ARL6IP6: variants seen among roughly 807,000 people sequenced by gnomAD.
ARL6IP6 encodes the protein ADP-ribosylation factor-like protein 6-interacting protein 6.
In ARL6IP6, 22 loss-of-function variants were observed where a neutral mutation model predicts 21.5. The ratio of observed to expected loss-of-function variants is 1.02; its 90% CI spans 0.73 to 1.46. The LOEUF is 1.46. Ranked by LOEUF, ARL6IP6 falls within the 40% of genes most tolerant of loss-of-function variation. The probability of loss-of-function intolerance (pLI) is 0.00; values close to 1 mark genes in which losing one functional copy is unlikely to be tolerated. For missense variants in ARL6IP6, 388 were observed against 299.8 expected (o/e 1.29, Z -2.17); for synonymous variants, 164 against 125.3 (o/e 1.31, Z -2.06).
upstream of ARL6IP6, chr2:152,718,088 G>T (rs1004335034): frequency 5.0e-6 from 5 of 991,838 alleles, no homozygotes; most frequent in Non-Finnish European, 6.0e-6. Flanking sequence ...GGGAGATGGG[G>T]GTGAGCAGTT....
upstream of ARL6IP6, chr2:152,717,818 A>C: frequency 2.6e-6 from 3 of 1,137,020 alleles, no homozygotes; most frequent in Non-Finnish European, 2.2e-6. Flanking sequence ...CGAGTTACGT[A>C]CGCCCCACAA....
chr2:152,734,169 C>T (rs1410368802), intron 2 of ARL6IP6, among the ~76,000 whole-genome samples: 1 of 152,148 alleles, frequency 6.6e-6, no homozygotes, highest in Admixed American at 6.5e-5. Flanking sequence ...GCCTCCTATT[C>T]TTCTCAACCG....
In ARL6IP6 at chr2:152,743,543, A is replaced by G. The variant is rs1457834246; in HGVS notation, c.587+8417A>G. On this transcript the variant is annotated intron_variant, in intron 3 of 3. Coordinates refer to ENST00000326446, the MANE Select transcript of ARL6IP6 (RefSeq NM_152522.7). ...TAGTTAATTTGTATAACCTAAGCATACAGAGTAAAGTGGCAAGCGCCCCTA... is the reference window on the plus strand; with the variant it reads ...TAGTTAATTTGTATAACCTAAGCATGCAGAGTAAAGTGGCAAGCGCCCCTA... Among the ~76,000 whole-genome samples, 4 of 152,318 alleles carry G rather than the reference A, an allele frequency of 2.6e-5. No individual in the cohort carries two copies. In the East Asian group the frequency reaches 7.7e-4, roughly 29 times the overall value.
At chr2:152,752,045 A>T (rs772264787) in intron 3 of ARL6IP6, among the ~76,000 whole-genome samples, 2 of 152,148 alleles carry the variant, frequency 1.3e-5, no homozygotes, top group Non-Finnish European at 2.9e-5. Context: ...TGCTTTATTG[A>T]TCTAAATTAC....
In ARL6IP6 at chr2:152,760,081, G is replaced by C. The variant is rs916888229; in HGVS notation, c.*241G>C. ...ATTAAGTACTTTCTTCAGAGTATAA[G>C]ATGTTTACCTCATCTTTTTACTTTT... is the stretch of plus-strand genomic sequence containing the variant. On this transcript the variant is annotated 3_prime_UTR_variant, in exon 4 of 4. Transcript: ENST00000326446. 2.9e-6 allele frequency: 1 copy of C among 341,652 alleles called. No homozygotes were observed. Among genetic ancestry groups the C allele is most frequent in the Admixed American group, 4.5e-5 (1 of 22,410 alleles). 21.2% of individuals were successfully genotyped at this position (341,652 alleles called of 1,614,324 possible).
At chr2:152,748,846 T>C (rs1412699240) in intron 3 of ARL6IP6, among the ~76,000 whole-genome samples, 1 of 152,144 alleles carries the variant, frequency 6.6e-6, no homozygotes, top group Non-Finnish European at 1.5e-5. Context: ...GAGTCTGGTG[T>C]TTAGTATTGT....
chr2:152,759,777 C>CTA lies in ARL6IP6; in HGVS notation c.621_622dup (p.Ser208IlefsTer6), dbSNP rs773758163. ...TGACTGGACATTCTTTCCACATGGG[C>CTA]TATAGCATGGCGATTTTGAATGGCA... On this transcript the variant is annotated frameshift_variant, in exon 4 of 4. Coordinates refer to ENST00000326446, the MANE Select transcript of ARL6IP6 (RefSeq NM_152522.7). LOFTEE classifies it high-confidence loss of function. The CTA allele has an allele frequency of 2.0e-5, 32 of 1,613,364 alleles. No homozygotes were observed. In the South Asian group the frequency reaches 3.1e-4, roughly 16 times the overall value.
chr2:152,730,152 A>G (rs1400001352), intron 2 of ARL6IP6, among the ~76,000 whole-genome samples: 6 of 152,224 alleles, frequency 3.9e-5, no homozygotes, highest in African/African-American at 1.4e-4. Context: ...AATAATAAAA[A>G]TGCTCAATGC....
chr2:152,746,034 T>A (rs867188059), intron 3 of ARL6IP6, among the ~76,000 whole-genome samples: 1,584 of 83,180 alleles, frequency 0.019, 14 homozygotes, highest in Middle Eastern at 0.049. Flanking sequence ...TTTTTTTTTT[T>A]AAAGACAGGT....
upstream of ARL6IP6, chr2:152,717,768 G>A (rs1027229953): frequency 1.6e-6 from 2 of 1,248,392 alleles, no homozygotes; most frequent in East Asian, 4.3e-5. Flanking sequence ...CCCCGTAGGG[G>A]GTGGGGCAGT....
At chr2:152,717,736 T>G, upstream of ARL6IP6, 7 of 1,314,840 alleles carry the variant, frequency 5.3e-6, no homozygotes, top group Middle Eastern at 3.0e-4. Context: ...GTGTCCCAGC[T>G]TCCCGAGCTT....
At chr2:152,717,778 T>G, upstream of ARL6IP6, 1 of 1,216,174 alleles carries the variant, frequency 8.2e-7, no homozygotes, top group Non-Finnish European at 1.0e-6. Flanking sequence ...GGTGGGGCAG[T>G]GGGGGTCTGC....
Position 152,760,575 on chromosome 2 carries a change from TTAAG to T in ARL6IP6, c.*741_*744del, listed in dbSNP as rs1215541125. 4 of 152,058 alleles carry T rather than the reference TTAAG, an allele frequency of 2.6e-5. No individual in the cohort carries two copies. Among genetic ancestry groups the T allele is most frequent in the Admixed American group, 6.5e-5 (1 of 15,268 alleles). The allele number at this position is 152,058 out of a possible 1,614,324, so 9.4% of individuals were successfully genotyped here. A position where few individuals can be genotyped will look rare whatever the true frequency, so the allele number is the denominator to read the frequency against. On this transcript the variant is annotated 3_prime_UTR_variant, in exon 4 of 4. Coordinates refer to ENST00000326446, the MANE Select transcript of ARL6IP6 (RefSeq NM_152522.7). Reference sequence around the variant, plus strand: ...AAAGCACATTGACCTAAGTTGAAAATTAAGTAAGTTTATTTTTAACAAAAAATGC... The same window carrying T: ...AAAGCACATTGACCTAAGTTGAAAATTAAGTTTATTTTTAACAAAAAATGC...
upstream of ARL6IP6, chr2:152,718,319 G>C (rs1021086804): frequency 3.2e-6 from 1 of 308,156 alleles, no homozygotes; most frequent in Non-Finnish European, 5.7e-6. Flanking sequence ...GTCTCCGGCC[G>C]GGACGAAGCC....
chr2:152,725,767 A>G (rs1361742765), intron 2 of ARL6IP6, among the ~76,000 whole-genome samples: 1 of 152,208 alleles, frequency 6.6e-6, no homozygotes, highest in East Asian at 1.9e-4. Context: ...TTAGTAAGCA[A>G]TTATTTGCAC....
chr2:152,756,678 A>G (rs1394991467), intron 3 of ARL6IP6, among the ~76,000 whole-genome samples: 1 of 152,248 alleles, frequency 6.6e-6, no homozygotes, highest in East Asian at 1.9e-4. Context: ...CTGAATGGTC[A>G]GTAAGTACAT....
chr2:152,749,205 A>G (rs1031282110), intron 3 of ARL6IP6, among the ~76,000 whole-genome samples: 2 of 152,080 alleles, frequency 1.3e-5, no homozygotes, highest in Non-Finnish European at 2.9e-5. Context: ...TTATATTTTC[A>G]CAGAACAAAG....
At chr2:152,753,709 T>C (rs910835307) in intron 3 of ARL6IP6, among the ~76,000 whole-genome samples, 2 of 150,294 alleles carry the variant, frequency 1.3e-5, no homozygotes, top group African/African-American at 4.9e-5. Context: ...CTTTTTTTTT[T>C]TTTTTTTTTT....
intron 2 of ARL6IP6, among the ~76,000 whole-genome samples, chr2:152,729,055 CAAA>C (rs70974883): frequency 8.5e-6 from 1 of 117,232 alleles, no homozygotes. Flanking sequence ...GATTCCTTCT[CAAA>C]AAAAAAAAAA....
Sources: gnomAD v4.1 joint callset for allele counts (sites outside exome capture counted in the v4.1 genomes callset) on GRCh38, gnomAD v4.1.1 for gene constraint, MANE v1.5 for transcripts, NCBI Gene and HGNC (gene_info 2026-07-23, HGNC 2026-07-21) for gene names.